ATP2B2: variants seen among roughly 807,000 people sequenced by gnomAD.
ATP2B2 encodes ATPase plasma membrane Ca2+ transporting 2.
Under a neutral mutation model 120.0 loss-of-function variants are expected in ATP2B2, and 15 were observed. The ratio of observed to expected loss-of-function variants is 0.12; its 90% CI spans 0.08 to 0.19. ATP2B2 has a LOEUF of 0.19. Ranked by LOEUF, ATP2B2 falls within the 10% of genes least tolerant of loss-of-function variation. ATP2B2 has a pLI of 1.00. For synonymous variants in ATP2B2, 694 were observed against 700.3 expected (o/e 0.99, Z 0.14); for missense variants, 1,045 against 1,719.8 (o/e 0.61, Z 6.94).
intron 1 of ATP2B2, among the ~76,000 whole-genome samples, chr3:10,670,703 G>A (rs760040468): frequency 2.6e-5 from 4 of 152,184 alleles, no homozygotes; most frequent in Non-Finnish European, 4.4e-5. Context: ...TTATAGGTGT[G>A]AGCCACGGGG....
intron 1 of ATP2B2, among the ~76,000 whole-genome samples, chr3:10,460,979 G>A (rs967319324): frequency 1.3e-5 from 2 of 152,208 alleles, no homozygotes; most frequent in African/African-American, 4.8e-5. Context: ...AGTTGAGTGA[G>A]TCCTTTGGGG....
chr3:10,697,727 C>A (rs13085735), intron 1 of ATP2B2, among the ~76,000 whole-genome samples: 9 of 152,162 alleles, frequency 5.9e-5, no homozygotes, highest in Non-Finnish European at 1.5e-5. Context: ...GAGGACAAAG[C>A]CATTCCTATG....
intron 1 of ATP2B2, among the ~76,000 whole-genome samples, chr3:10,488,009 C>T (rs2065760331): frequency 6.6e-6 from 1 of 152,114 alleles, no homozygotes; most frequent in Non-Finnish European, 1.5e-5. Context: ...GTCCCTCCAT[C>T]CTTTTGTCCA....
intron 1 of ATP2B2, among the ~76,000 whole-genome samples, chr3:10,665,969 C>T (rs761338752): frequency 1.3e-5 from 2 of 152,160 alleles, no homozygotes; most frequent in Non-Finnish European, 1.5e-5. Flanking sequence ...ATCCTGAATG[C>T]CCCTCACTAT....
rs566090421 is a variant in ATP2B2, at chr3:10,328,883, G to A, written c.3663C>T (p.Thr1221=). Residue 1221 remains threonine (T), a synonymous_variant, in exon 23 of 23, where the codon ACC becomes ACT. Transcript: ENST00000360273. ...AAGAGGTAGCTGATTTGCTTGTGTC[G>A]GTCGTCAGGTTGATCCCACTGTCGA... The part of the protein sequence containing the change: ...SAIDSGINLT[T]DTSKSATSSS... 1.5e-5 allele frequency: 24 copies of A among 1,613,864 alleles called. No individual in the cohort carries two copies. The South Asian group carries it at 2.0e-4, about 13-fold the overall frequency.
chr3:10,358,721 C>G lies in ATP2B2; in HGVS notation c.2106G>C (p.Val702=), dbSNP rs2060810476. 6.2e-7 allele frequency: 1 copy of G among 1,614,112 alleles called. No individual in the cohort carries two copies. The highest frequency in any genetic ancestry group is 8.5e-7 in the Non-Finnish European group (1 of 1,180,038). ...DILNELTCIC[V]VGIEDPVRPE... ...GCCGCACCGGGTCCTCGATGCCCAC[C>G]ACGCAGATGCAGGTGAGTTCGTTGA... The change falls in exon 14 of 23, where the codon GTG becomes GTC. Residue 702 remains valine (V), a synonymous_variant. Coordinates refer to ENST00000360273, the MANE Select transcript of ATP2B2 (RefSeq NM_001001331.4).
intron 1 of ATP2B2, among the ~76,000 whole-genome samples, chr3:10,703,030 A>T (rs920388261): frequency 1.3e-5 from 2 of 152,186 alleles, no homozygotes; most frequent in African/African-American, 4.8e-5. Flanking sequence ...TGAAATGCCC[A>T]GCCTTACAGA....
chr3:10,568,243 T>C (rs929884502), intron 2 of ATP2B2, among the ~76,000 whole-genome samples: 3 of 152,326 alleles, frequency 2.0e-5, no homozygotes, highest in Admixed American at 6.5e-5. Context: ...GGGAGGCCCA[T>C]GGGGTGCTTT....
At chr3:10,596,777 C>G (rs906108354) in intron 2 of ATP2B2, among the ~76,000 whole-genome samples, 1 of 152,230 alleles carries the variant, frequency 6.6e-6, no homozygotes, top group Admixed American at 6.5e-5. Flanking sequence ...GATGAAAACT[C>G]TACAGCCAGC....
intron 1 of ATP2B2, among the ~76,000 whole-genome samples, chr3:10,631,438 T>C (rs2069862543): frequency 6.6e-6 from 1 of 152,200 alleles, no homozygotes; most frequent in Admixed American, 6.5e-5. Context: ...AGAGGTGACA[T>C]GACTTGCTCA....
chr3:10,701,028 G>C (rs908570436), intron 1 of ATP2B2, among the ~76,000 whole-genome samples: 1 of 152,198 alleles, frequency 6.6e-6, no homozygotes, highest in African/African-American at 2.4e-5. Flanking sequence ...TTATCATGTG[G>C]CTAGAGAGTA....
intron 2 of ATP2B2, among the ~76,000 whole-genome samples, chr3:10,543,058 G>C (rs2067472647): frequency 6.6e-6 from 1 of 152,158 alleles, no homozygotes; most frequent in Non-Finnish European, 1.5e-5. Context: ...TAGGTAGGTA[G>C]TTTCTATTGT....
chr3:10,339,290 C>CT (rs1400419142), intron 21 of ATP2B2, among the ~76,000 whole-genome samples: 2 of 152,212 alleles, frequency 1.3e-5, no homozygotes, highest in Non-Finnish European at 2.9e-5. Flanking sequence ...ACAGGAAGTC[C>CT]TTTTGGATGA....
intron 2 of ATP2B2, among the ~76,000 whole-genome samples, chr3:10,586,433 G>T (rs2068512010): frequency 2.0e-5 from 3 of 152,206 alleles, no homozygotes; most frequent in Non-Finnish European, 4.4e-5. Flanking sequence ...TGAGCAAACT[G>T]AGGCTCAGAA....
intron 2 of ATP2B2, among the ~76,000 whole-genome samples, chr3:10,562,130 C>T (rs2067916102): frequency 6.6e-6 from 1 of 152,206 alleles, no homozygotes; most frequent in African/African-American, 2.4e-5. Flanking sequence ...AGTTGTGACA[C>T]TGCATCTGGG....
At chr3:10,506,797 T>A (rs2066641740), upstream of ATP2B2, among the ~76,000 whole-genome samples, 1 of 152,276 alleles carries the variant, frequency 6.6e-6, no homozygotes, top group African/African-American at 2.4e-5. Flanking sequence ...AGAAGCTGCC[T>A]CTTTCCCCTG....
At chr3:10,676,098 G>A (rs1339680641) in intron 1 of ATP2B2, among the ~76,000 whole-genome samples, 2 of 152,206 alleles carry the variant, frequency 1.3e-5, no homozygotes, top group Admixed American at 6.5e-5. Flanking sequence ...TCTTTATGGT[G>A]CATTGAACAC....
Position 10,579,845 on chromosome 3 carries a change from C to CAAAACAAAACAAAACAAAACAAAACA in ATP2B2, c.-415+40071_-415+40072insTGTTTTGTTTTGTTTTGTTTTGTTTT, listed in dbSNP as rs137955154. ...CAAAACAAAACAAAACAAAACAAAA[C>CAAAACAAAACAAAACAAAACAAAACA]AAAGAAACAGACCCAGAAGGTGGGC... On this transcript the variant is annotated intron_variant, in intron 2 of 21. Transcript: ENST00000646379. Among the ~76,000 whole-genome samples, 9 of 150,610 alleles carry CAAAACAAAACAAAACAAAACAAAACA rather than the reference C, an allele frequency of 6.0e-5. 1 individual carries two copies. The South Asian group carries it at 1.3e-3, about 21-fold the overall frequency.
chr3:10,669,921 A>T (rs1221741464), intron 1 of ATP2B2, among the ~76,000 whole-genome samples: 1 of 152,224 alleles, frequency 6.6e-6, no homozygotes, highest in Non-Finnish European at 1.5e-5. Flanking sequence ...TAATCCCAAC[A>T]GGCGGAAGCA....
Sources: gnomAD v4.1 joint callset for allele counts (sites outside exome capture counted in the v4.1 genomes callset) on GRCh38, gnomAD v4.1.1 for gene constraint, MANE v1.5 for transcripts, NCBI Gene and HGNC (gene_info 2026-07-23, HGNC 2026-07-21) for gene names.